Variants in SERINC2 observed in about 807,000 individuals in gnomAD.
SERINC2 encodes the protein tumor differentially expressed protein 2.
In SERINC2, 56 loss-of-function variants were observed where a neutral mutation model predicts 54.2. The observed-to-expected ratio is 1.03, with a 90% CI of 0.83 to 1.29. SERINC2 has a LOEUF of 1.29. Ranked by LOEUF, SERINC2 falls within the 50% of genes most tolerant of loss-of-function variation. The probability of loss-of-function intolerance (pLI) is 0.00; values close to 1 mark genes in which losing one functional copy is unlikely to be tolerated. For synonymous variants in SERINC2, 272 were observed against 253.1 expected (o/e 1.07, Z -0.71); for missense variants, 614 against 607.4 (o/e 1.01, Z -0.12).
At chr1:31,421,346 T>C (rs1640898266) in intron 1 of SERINC2, among the ~76,000 whole-genome samples, 1 of 152,116 alleles carries the variant, frequency 6.6e-6, no homozygotes, top group Non-Finnish European at 1.5e-5. Flanking sequence ...GGACCACTGC[T>C]TTATGGCCTC....
upstream of SERINC2, among the ~76,000 whole-genome samples, chr1:31,412,000 C>CAAAAA (rs11368197): frequency 2.2e-5 from 1 of 44,504 alleles, no homozygotes; most frequent in African/African-American, 8.8e-5. Flanking sequence ...GACCCTGTCT[C>CAAAAA]AAAAAAAAAA....
intron 6 of SERINC2, among the ~76,000 whole-genome samples, chr1:31,427,170 T>G (rs1641068680): frequency 1.3e-5 from 2 of 152,288 alleles, no homozygotes; most frequent in South Asian, 4.1e-4. Flanking sequence ...TTGTTGTCAT[T>G]TTTGTTTTTA....
At chr1:31,410,248 A>G (rs1364123849), upstream of SERINC2, 3 of 1,475,670 alleles carry the variant, frequency 2.0e-6, no homozygotes, top group African/African-American at 2.8e-5. Flanking sequence ...CCCATGCAGG[A>G]GGTTCAAATC....
rs1312178966 is a variant in SERINC2, at chr1:31,414,848, C to T, written c.39+1544C>T. On this transcript the variant is annotated intron_variant, in intron 1 of 9. Coordinates refer to ENST00000373709, the MANE Select transcript of SERINC2 (RefSeq NM_178865.5). The stretch of plus-strand genomic sequence containing the variant: ...AGGGGCAGCCTGCCAGCCCTGTGTG[C>T]CTTGGTCACCCCATCTGGCAGTTGA... The T allele has an allele frequency of 3.5e-6, 3 of 857,794 alleles. No homozygotes were observed. The African/African-American group carries it at 5.5e-5, about 16-fold the overall frequency. The allele number at this position is 857,794 out of a possible 1,614,324, so 53.1% of individuals were successfully genotyped here.
chr1:31,412,335 C>A (rs1640664953), upstream of SERINC2, among the ~76,000 whole-genome samples: 1 of 152,200 alleles, frequency 6.6e-6, no homozygotes, highest in Non-Finnish European at 1.5e-5. Flanking sequence ...CCCCTCCCCA[C>A]CTTCTGACCT....
At chr1:31,432,776 T>C (rs1415747209) in intron 8 of SERINC2, among the ~76,000 whole-genome samples, 191 bp from the exon 9 acceptor site, 1 of 152,104 alleles carries the variant, frequency 6.6e-6, no homozygotes, top group Non-Finnish European at 1.5e-5. Flanking sequence ...TCAGAGAGGT[T>C]AAGTGTTTTG....
chr1:31,414,676 A>G, intron 1 of SERINC2: 1 of 985,418 alleles, frequency 1.0e-6, no homozygotes, highest in Non-Finnish European at 1.2e-6. Context: ...TCCCAGCCCA[A>G]AGAATTCAAG....
Position 31,429,411 on chromosome 1 carries a change from C to A in SERINC2, c.886C>A (p.Pro296Thr), listed in dbSNP as rs782228774. ...CCCATCTCCAGAACAGAAATGCAAC[C>A]CCCATTTGCCAACCCAGCTGGGCAA... ...LSSIPEQKCN[P>T]HLPTQLGNET... Residue 296 changes from proline to threonine, a missense_variant, in exon 8 of 10, where the codon CCC (proline) becomes ACC (threonine). Transcript: ENST00000373709. 6 of 1,610,688 alleles carry A rather than the reference C, an allele frequency of 3.7e-6. No individual in the cohort carries two copies. Among genetic ancestry groups the A allele is most frequent in the Non-Finnish European group, 5.1e-6 (6 of 1,179,202 alleles).
upstream of SERINC2, chr1:31,409,851 T>C: frequency 6.4e-7 from 1 of 1,555,844 alleles, no homozygotes; most frequent in South Asian, 1.2e-5. Context: ...GACGGGAGGA[T>C]GGTAAGAGGG....
chr1:31,424,619 T>C (rs977561196), intron 2 of SERINC2, 64 bp from the exon 3 acceptor site: 210 of 1,380,330 alleles, frequency 1.5e-4, no homozygotes, highest in Non-Finnish European at 1.8e-4. Flanking sequence ...CTCTGGTTTA[T>C]AAAGGGAGCT....
In SERINC2 at chr1:31,413,709, G is replaced by A; in HGVS notation, c.39+405G>A. ...CGTCCCGGACGCCCTGGTTCTCTGT[G>A]TAGGTCGCCCGGGCCCCGTCCCTCC... is the stretch of plus-strand genomic sequence containing the variant. On this transcript the variant is annotated intron_variant, in intron 1 of 9. Transcript: ENST00000373709. The surrounding 1 kb of genome is among the most constrained non-coding windows in gnomAD (Gnocchi z 5.0). The A allele has an allele frequency of 2.4e-6, 3 of 1,270,844 alleles. No individual in the cohort carries two copies. Among genetic ancestry groups the A allele is most frequent in the Non-Finnish European group, 3.0e-6 (3 of 995,786 alleles). 78.7% of individuals were successfully genotyped at this position (1,270,844 alleles called of 1,614,324 possible).
At chr1:31,427,393 C>T (rs965996303) in intron 6 of SERINC2, among the ~76,000 whole-genome samples, 7 of 152,118 alleles carry the variant, frequency 4.6e-5, no homozygotes, top group East Asian at 1.9e-4. Context: ...CTCAGCACAC[C>T]GGCAGCTTCA....
At chr1:31,411,971 A>G (rs1292605578), upstream of SERINC2, among the ~76,000 whole-genome samples, 6 of 131,216 alleles carry the variant, frequency 4.6e-5, no homozygotes, top group Non-Finnish European at 9.3e-5. Flanking sequence ...ACTGTGTTCC[A>G]GCCTGGGTGA....
chr1:31,415,256 C>T (rs1640754065), intron 1 of SERINC2, among the ~76,000 whole-genome samples: 1 of 152,218 alleles, frequency 6.6e-6, no homozygotes, highest in African/African-American at 2.4e-5. Context: ...AGGGCTGGTC[C>T]AGGGAAGAAT....
At chr1:31,432,231 G>GGTGGACA (rs1641318155) in intron 8 of SERINC2, among the ~76,000 whole-genome samples, 2 of 151,146 alleles carry the variant, frequency 1.3e-5, no homozygotes, top group Non-Finnish European at 3.0e-5. Context: ...GGGTGGATAG[G>GGTGGACA]GACCCACTGA....
At position 31,434,408 on chromosome 1, in the gene SERINC2, C is replaced by A. The variant is rs575971437; in HGVS notation, c.*209C>A. ...AGGCTCCTGCAGAGCCCCATCCCCC[C>A]GCCACACCCACACGGTGGAGCTGCC... On this transcript the variant is annotated 3_prime_UTR_variant, in exon 10 of 10. Coordinates refer to ENST00000373709, the MANE Select transcript of SERINC2 (RefSeq NM_178865.5). 1.7e-4 allele frequency: 99 copies of A among 582,382 alleles called. No homozygotes were observed. The highest frequency in any genetic ancestry group is 1.6e-3 in the African/African-American group (87 of 53,580). 36.1% of individuals were successfully genotyped at this position (582,382 alleles called of 1,614,324 possible).
At chr1:31,432,190 G>GA (rs1641311104) in intron 8 of SERINC2, among the ~76,000 whole-genome samples, 2 of 143,620 alleles carry the variant, frequency 1.4e-5, no homozygotes, top group Non-Finnish European at 3.1e-5. Flanking sequence ...GGATAGGGTG[G>GA]TTAGAGTGGA....
At position 31,413,761 on chromosome 1, in the gene SERINC2, G is replaced by A. The variant is rs1640704443; in HGVS notation, c.39+457G>A. 2 of 1,379,612 alleles carry A rather than the reference G, an allele frequency of 1.4e-6. No homozygotes were observed. The highest frequency in any genetic ancestry group is 1.5e-5 in the African/African-American group (1 of 66,322). The allele number at this position is 1,379,612 out of a possible 1,614,324, so 85.5% of individuals were successfully genotyped here. A position where few individuals can be genotyped will look rare whatever the true frequency, so the allele number is the denominator to read the frequency against. On this transcript the variant is annotated intron_variant, in intron 1 of 9. Coordinates refer to ENST00000373709, the MANE Select transcript of SERINC2 (RefSeq NM_178865.5). The surrounding 1 kb of genome is among the most constrained non-coding windows in gnomAD (Gnocchi z 5.0). ...GGCGAGTGCCCTGCCCTACCCCTCT[G>A]GCCGCCTGCCAGTCCGCCTGTTCCT...
upstream of SERINC2, chr1:31,409,818 C>T (rs553229259): frequency 4.4e-5 from 68 of 1,554,214 alleles, no homozygotes; most frequent in South Asian, 7.1e-5. Flanking sequence ...GGCTCAAAGC[C>T]GGCACACATC....
Sources: allele counts gnomAD v4.1 joint callset (sites outside exome capture counted in the v4.1 genomes callset), GRCh38; gene constraint gnomAD v4.1.1; non-coding constraint Gnocchi (gnomAD v3.1); transcripts MANE v1.5; gene names NCBI Gene and HGNC (gene_info 2026-07-23, HGNC 2026-07-21).